TTLL11: variants seen among roughly 807,000 people sequenced by gnomAD.
The protein encoded by TTLL11 is tubulin tyrosine ligase like 11.
TTLL11 carries 42 observed loss-of-function variants against 51.7 expected under a neutral mutation model. That is an observed-to-expected ratio of 0.81 (90% confidence interval 0.64 to 1.05). TTLL11 has a LOEUF of 1.05. TTLL11 is among the 50% of genes least tolerant of loss of function. The probability of loss-of-function intolerance (pLI) is 0.00; values close to 1 mark genes in which losing one functional copy is unlikely to be tolerated. For missense variants in TTLL11, 799 were observed against 940.4 expected (o/e 0.85, Z 1.97); for synonymous variants, 381 against 383.5 (o/e 0.99, Z 0.08).
intron 1 of TTLL11, among the ~76,000 whole-genome samples, chr9:122,086,437 C>CT (rs560566465): frequency 7.3e-4 from 111 of 151,044 alleles, no homozygotes; most frequent in Non-Finnish European, 1.2e-3. Flanking sequence ...AAATATGGTG[C>CT]TTTTTTTTTA....
At chr9:121,956,574 T>G (rs1842022928) in intron 6 of TTLL11, among the ~76,000 whole-genome samples, 3 of 152,164 alleles carry the variant, frequency 2.0e-5, no homozygotes. Context: ...TCACTGTGCA[T>G]GAGGATGGGG....
chr9:122,031,947 G>C, intron 2 of TTLL11, 91 bp from the exon 3 acceptor site: 1 of 1,479,948 alleles, frequency 6.8e-7, no homozygotes, highest in Non-Finnish European at 9.1e-7. Flanking sequence ...CCACCCACCC[G>C]ACATATTCTC....
At chr9:121,868,076 T>C (rs369298634) in intron 7 of TTLL11, among the ~76,000 whole-genome samples, 2 of 152,158 alleles carry the variant, frequency 1.3e-5, no homozygotes, top group African/African-American at 2.4e-5. Flanking sequence ...TTGAGTCTTC[T>C]GTGTGATGGT....
chr9:122,090,368 C>A (rs1359925905), intron 1 of TTLL11, among the ~76,000 whole-genome samples: 2 of 152,154 alleles, frequency 1.3e-5, no homozygotes, highest in Non-Finnish European at 2.9e-5. Flanking sequence ...GGCACATGAT[C>A]TGATCCCTGC....
intron 4 of TTLL11, among the ~76,000 whole-genome samples, chr9:121,985,749 T>C (rs1842926534): frequency 6.6e-6 from 1 of 152,074 alleles, no homozygotes; most frequent in Non-Finnish European, 1.5e-5. Flanking sequence ...CTCGATCTCC[T>C]GACCTCGTGA....
intron 3 of TTLL11, among the ~76,000 whole-genome samples, chr9:121,990,418 T>C (rs1843077584): frequency 6.6e-6 from 1 of 152,184 alleles, no homozygotes; most frequent in Non-Finnish European, 1.5e-5. Flanking sequence ...ACCTAGAACC[T>C]GAGAAATAAA....
intron 2 of TTLL11, among the ~76,000 whole-genome samples, chr9:122,035,738 C>T (rs958922479): frequency 1.3e-5 from 2 of 152,270 alleles, no homozygotes; most frequent in Admixed American, 1.3e-4. Context: ...TTCTCTGAGC[C>T]ATCTCATTTC....
At chr9:122,001,953 C>T (rs1843481390) in intron 3 of TTLL11, among the ~76,000 whole-genome samples, 2 of 152,166 alleles carry the variant, frequency 1.3e-5, no homozygotes, top group Non-Finnish European at 2.9e-5. Context: ...CCTAAAACTC[C>T]AGGGTGTTCT....
chr9:121,955,558 G>A (rs974336313), intron 6 of TTLL11, among the ~76,000 whole-genome samples: 1 of 152,200 alleles, frequency 6.6e-6, no homozygotes, highest in Admixed American at 6.5e-5. Context: ...TACAGATGAA[G>A]AAACTGACGC....
intron 6 of TTLL11, among the ~76,000 whole-genome samples, chr9:121,899,307 TTC>T (rs1159548069): frequency 6.6e-6 from 1 of 151,596 alleles, no homozygotes; most frequent in African/African-American, 2.4e-5. Context: ...GCTTTATTTT[TTC>T]TGTCTTAATA....
Position 122,030,642 on chromosome 9 carries a change from C to A in TTLL11, c.693+1081G>T, listed in dbSNP as rs530926831. On this transcript the variant is annotated intron_variant, in intron 3 of 8. Transcript: ENST00000321582. ...TGAAGATTAAAAGAAATAATGTGGGCTGGGCGTGGTGGCTCATGCCTATAA... is the reference window on the plus strand; with the variant it reads ...TGAAGATTAAAAGAAATAATGTGGGATGGGCGTGGTGGCTCATGCCTATAA... 5.3e-3 allele frequency among the ~76,000 whole-genome samples: 806 copies of A among 152,178 alleles called. 9 individuals carry two copies. Among genetic ancestry groups the A allele is most frequent in the African/African-American group, 0.018 (759 of 41,540 alleles).
chr9:121,833,225 C>T (rs943235202), intron 8 of TTLL11, among the ~76,000 whole-genome samples: 8 of 152,140 alleles, frequency 5.3e-5, no homozygotes, highest in Non-Finnish European at 1.0e-4. Context: ...AGGCAGCCTT[C>T]GAAACATTCC....
rs1843057947 is a variant in TTLL11 at position 121,989,775 on chromosome 9, A to G, written c.694-5T>C. 1.9e-6 allele frequency: 3 copies of G among 1,584,452 alleles called. No homozygotes were observed. Among genetic ancestry groups the G allele is most frequent in the Non-Finnish European group, 2.6e-6 (3 of 1,164,266 alleles). On this transcript the variant is annotated splice_polypyrimidine_tract_variant and splice_region_variant and intron_variant, in intron 3 of 8. Transcript: ENST00000321582. This position sits in a 1 kb window ranked among gnomAD's most constrained non-coding sequence, Gnocchi z 4.2. The stretch of plus-strand genomic sequence containing the variant: ...ATCGTCTTTCACCATTTGAACCTGG[A>G]GGGGGAAAAAAGGATGGCCGACATT...
chr9:122,066,398 C>CAA (rs879353225), intron 1 of TTLL11, among the ~76,000 whole-genome samples: 1 of 150,532 alleles, frequency 6.6e-6, no homozygotes, highest in Non-Finnish European at 1.5e-5. Context: ...CAGGGAAGGA[C>CAA]AAAAAAAAAT....
intron 1 of TTLL11, among the ~76,000 whole-genome samples, chr9:122,062,083 C>T (rs1237753966): frequency 6.6e-6 from 1 of 152,204 alleles, no homozygotes; most frequent in Non-Finnish European, 1.5e-5. Context: ...GAGCCTGAGG[C>T]ACAGCCCCAT....
intron 6 of TTLL11, among the ~76,000 whole-genome samples, chr9:121,915,990 TACAC>T (rs59554930): frequency 0.03 from 3,970 of 134,242 alleles, 65 homozygotes; most frequent in Middle Eastern, 0.04. Context: ...GACACACACA[TACAC>T]ACACACACAC....
chr9:121,840,318 C>A (rs953415390), intron 8 of TTLL11, among the ~76,000 whole-genome samples: 2 of 152,138 alleles, frequency 1.3e-5, no homozygotes, highest in African/African-American at 4.8e-5. Flanking sequence ...GAACACAGTG[C>A]GCTGCGATGT....
chr9:121,980,232 G>T (rs528490038), intron 4 of TTLL11, among the ~76,000 whole-genome samples: 1 of 151,996 alleles, frequency 6.6e-6, no homozygotes, highest in Non-Finnish European at 1.5e-5. Context: ...TATTGAAAAA[G>T]ATAAATTCAG....
chr9:122,088,659 T>C (rs1846186993), intron 1 of TTLL11, among the ~76,000 whole-genome samples: 2 of 152,178 alleles, frequency 1.3e-5, no homozygotes, highest in Non-Finnish European at 2.9e-5. Context: ...AAGAGCTATA[T>C]AAAGATTTAT....
Sources: allele counts gnomAD v4.1 joint callset (sites outside exome capture counted in the v4.1 genomes callset), GRCh38; gene constraint gnomAD v4.1.1; non-coding constraint Gnocchi (gnomAD v3.1); transcripts MANE v1.5; gene names NCBI Gene and HGNC (gene_info 2026-07-23, HGNC 2026-07-21).